The following TMEM192 variants were observed in gnomAD, a reference collection of about 807,000 sequenced individuals.
The protein encoded by TMEM192 is transmembrane protein 192.
TMEM192 carries 20 observed loss-of-function variants against 26.7 expected under a neutral mutation model. That is an observed-to-expected ratio of 0.75 (90% CI 0.53 to 1.09). The LOEUF (loss-of-function observed/expected upper bound fraction) is 1.09. Ranked by LOEUF, TMEM192 falls within the 50% of genes least tolerant of loss-of-function variation. TMEM192 has a pLI of 0.00. For synonymous variants in TMEM192, 124 were observed against 121.0 expected (o/e 1.02, Z -0.16); for missense variants, 304 against 322.6 (o/e 0.94, Z 0.44).
At chr4:165,102,853 A>G (rs58612683) in intron 2 of TMEM192, 97 bp downstream of exon 2, 18,526 of 1,122,360 alleles carry the variant, frequency 0.017, 190 homozygotes, top group South Asian at 0.031. Context: ...CCTACATTTT[A>G]AATGTTGATA....
At position 165,071,605 on chromosome 4, in the gene TMEM192, T is replaced by A. The variant is rs1473372420; in HGVS notation, c.*8053A>T. 6.6e-6 allele frequency: 1 copy of A among 152,250 alleles called. No homozygotes were observed. Among genetic ancestry groups the A allele is most frequent in the Non-Finnish European group, 1.5e-5 (1 of 68,150 alleles). The allele number at this position is 152,250 out of a possible 1,614,324, so 9.4% of individuals were successfully genotyped here. A position where few individuals can be genotyped will look rare whatever the true frequency, so the allele number is the denominator to read the frequency against. On this transcript the variant is annotated 3_prime_UTR_variant, in exon 6 of 6. Coordinates refer to ENST00000306480, the MANE Select transcript of TMEM192 (RefSeq NM_001100389.2). ...ACCACACCTGGCCACAAGTGACATT[T>A]GAACAAAGACTTGAAAAAGATATAT...
chr4:165,080,845 G>C (rs919428838), intron 5 of TMEM192, among the ~76,000 whole-genome samples: 1 of 151,924 alleles, frequency 6.6e-6, no homozygotes, highest in Non-Finnish European at 1.5e-5. Flanking sequence ...CTCCCAAGTA[G>C]CTGAGATTAC....
In TMEM192 at chr4:165,112,789, G is replaced by A; in HGVS notation, c.-16C>T. 1 of 1,605,548 alleles carries A rather than the reference G, an allele frequency of 6.2e-7. No individual in the cohort carries two copies. The highest frequency in any genetic ancestry group is 8.5e-7 in the Non-Finnish European group (1 of 1,178,666). On this transcript the variant is annotated 5_prime_UTR_variant, in exon 1 of 6. Transcript: ENST00000306480. ...CCGCCGCCATTTCCCGACGCCGGAG[G>A]CCGAAGCCCTGGCCAGCCCGGCCTC...
At position 165,075,831 on chromosome 4, in the gene TMEM192, G is replaced by A. The variant is rs1157461336; in HGVS notation, c.*3827C>T. ...GATCCACCCACCTTGGCCTCCCAAAGTGCTGGTATTACAGGCGTAAGCTAC... is the reference window on the plus strand; with the variant it reads ...GATCCACCCACCTTGGCCTCCCAAAATGCTGGTATTACAGGCGTAAGCTAC... On this transcript the variant is annotated 3_prime_UTR_variant, in exon 6 of 6. Coordinates refer to ENST00000306480, the MANE Select transcript of TMEM192 (RefSeq NM_001100389.2). 6.6e-6 allele frequency: 1 copy of A among 152,196 alleles called. No individual in the cohort carries two copies. Among genetic ancestry groups the A allele is most frequent in the African/African-American group, 2.4e-5 (1 of 41,416 alleles). 9.4% of individuals were successfully genotyped at this position (152,196 alleles called of 1,614,324 possible).
chr4:165,072,636 G>A lies in TMEM192; in HGVS notation c.*7022C>T, dbSNP rs563317768. ...GAAGATTATAGTGGCTGGGGAAGTA[G>A]CATTGGGGGTGCCAAGAATTGGTTG... On this transcript the variant is annotated 3_prime_UTR_variant, in exon 6 of 6. Transcript: ENST00000306480. The A allele has an allele frequency of 1.3e-5, 2 of 152,230 alleles. No individual in the cohort carries two copies. Among genetic ancestry groups the A allele is most frequent in the East Asian group, 3.9e-4 (2 of 5,172 alleles). The allele number at this position is 152,230 out of a possible 1,614,324, so 9.4% of individuals were successfully genotyped here. A position where few individuals can be genotyped will look rare whatever the true frequency, so the allele number is the denominator to read the frequency against.
Position 165,077,800 on chromosome 4 carries a change from A to C in TMEM192, c.*1858T>G, listed in dbSNP as rs1734422170. 1 of 151,796 alleles carries C rather than the reference A, an allele frequency of 6.6e-6. No individual in the cohort carries two copies. The allele number at this position is 151,796 out of a possible 1,614,324, so 9.4% of individuals were successfully genotyped here. A position where few individuals can be genotyped will look rare whatever the true frequency, so the allele number is the denominator to read the frequency against. On this transcript the variant is annotated 3_prime_UTR_variant, in exon 6 of 6. Coordinates refer to ENST00000306480, the MANE Select transcript of TMEM192 (RefSeq NM_001100389.2). ...GCACTCCAGCCTGGGCGACAGGGTG[A>C]GACTCTGTCTCAAAAACAACAACAA...
At chr4:165,108,137 TTTGGA>T (rs1735211795) in intron 1 of TMEM192, among the ~76,000 whole-genome samples, 2 of 76,840 alleles carry the variant, frequency 2.6e-5, no homozygotes, top group South Asian at 5.0e-4. Flanking sequence ...TTTTTTTTTT[TTTGGA>T]GATGTAGTCT....
chr4:165,089,539 A>G (rs922135776), intron 3 of TMEM192, among the ~76,000 whole-genome samples: 3 of 152,092 alleles, frequency 2.0e-5, no homozygotes, highest in South Asian at 4.1e-4. Context: ...TAGCCAGGAT[A>G]GTCTTGATCT....
At chr4:165,102,077 G>T (rs1313826481) in intron 2 of TMEM192, among the ~76,000 whole-genome samples, 1 of 152,146 alleles carries the variant, frequency 6.6e-6, no homozygotes, top group East Asian at 1.9e-4. Flanking sequence ...AAACAGACTG[G>T]CAGTGGAGTC....
chr4:165,108,426 CT>C (rs1735219504), intron 1 of TMEM192, among the ~76,000 whole-genome samples: 2 of 152,084 alleles, frequency 1.3e-5, no homozygotes, highest in Non-Finnish European at 2.9e-5. Flanking sequence ...CGGCCATTTT[CT>C]GTAATCCTAT....
At chr4:165,094,541 C>T (rs1049618475) in intron 3 of TMEM192, among the ~76,000 whole-genome samples, 3 of 151,826 alleles carry the variant, frequency 2.0e-5, no homozygotes, top group Admixed American at 1.3e-4. Context: ...CCTGTAATCC[C>T]AGCTACTCGG....
At chr4:165,100,326 A>G (rs1012011381) in intron 3 of TMEM192, among the ~76,000 whole-genome samples, 10 of 151,758 alleles carry the variant, frequency 6.6e-5, no homozygotes, top group Non-Finnish European at 1.5e-4. Context: ...CGCCCAGCTA[A>G]TTTTTGTATT....
chr4:165,092,754 T>C (rs1351260239), intron 3 of TMEM192, among the ~76,000 whole-genome samples: 2 of 152,000 alleles, frequency 1.3e-5, no homozygotes, highest in Non-Finnish European at 2.9e-5. Context: ...GAGCCAAAGA[T>C]CCTTGCTGAA....
At chr4:165,095,578 C>T (rs1333681196) in intron 3 of TMEM192, among the ~76,000 whole-genome samples, 1 of 152,140 alleles carries the variant, frequency 6.6e-6, no homozygotes, top group Non-Finnish European at 1.5e-5. Context: ...CAGAATTTAC[C>T]TTCAAGAGCA....
In TMEM192 at chr4:165,078,169, C is replaced by T. The variant is rs1734432369; in HGVS notation, c.*1489G>A. 1 of 152,058 alleles carries T rather than the reference C, an allele frequency of 6.6e-6. No homozygotes were observed. Among genetic ancestry groups the T allele is most frequent in the African/African-American group, 2.4e-5 (1 of 41,398 alleles). 9.4% of individuals were successfully genotyped at this position (152,058 alleles called of 1,614,324 possible). A position where few individuals can be genotyped will look rare whatever the true frequency, so the allele number is the denominator to read the frequency against. ...CCTCCATAAGTCAAATAGATGTGGC[C>T]AAATCAATATATCCCTTGCCTATAT... On this transcript the variant is annotated 3_prime_UTR_variant, in exon 6 of 6. Coordinates refer to ENST00000306480, the MANE Select transcript of TMEM192 (RefSeq NM_001100389.2).
chr4:165,076,422 T>C lies in TMEM192; in HGVS notation c.*3236A>G, dbSNP rs1734383818. ...GATAAAGTGCAGTCTTCCAGCATAG[T>C]ATCAAGGCCCTCCAAGCTCTGACCC... is the stretch of plus-strand genomic sequence containing the variant. On this transcript the variant is annotated 3_prime_UTR_variant, in exon 6 of 6. Coordinates refer to ENST00000306480, the MANE Select transcript of TMEM192 (RefSeq NM_001100389.2). 2 of 152,242 alleles carry C rather than the reference T, an allele frequency of 1.3e-5. No individual in the cohort carries two copies. Among genetic ancestry groups the C allele is most frequent in the African/African-American group, 2.4e-5 (1 of 41,454 alleles). 9.4% of individuals were successfully genotyped at this position (152,242 alleles called of 1,614,324 possible).
intron 3 of TMEM192, among the ~76,000 whole-genome samples, chr4:165,095,315 C>T (rs1489513389): frequency 1.3e-5 from 2 of 152,166 alleles, no homozygotes; most frequent in African/African-American, 4.8e-5. Context: ...ACATGCTATG[C>T]AGCCCCTCCT....
chr4:165,084,572 C>T (rs1734565068), intron 5 of TMEM192, among the ~76,000 whole-genome samples: 1 of 151,840 alleles, frequency 6.6e-6, no homozygotes, highest in Non-Finnish European at 1.5e-5. Context: ...TAAGGAATAA[C>T]TCGTGTCCCA....
chr4:165,110,441 C>T (rs1437441411), intron 1 of TMEM192, among the ~76,000 whole-genome samples: 3 of 152,148 alleles, frequency 2.0e-5, no homozygotes, highest in African/African-American at 4.8e-5. Context: ...ATCATGAGGC[C>T]GGGCACGGTG....
Sources: gnomAD v4.1 joint callset for allele counts (sites outside exome capture counted in the v4.1 genomes callset) on GRCh38, gnomAD v4.1.1 for gene constraint, MANE v1.5 for transcripts, NCBI Gene and HGNC (gene_info 2026-07-23, HGNC 2026-07-21) for gene names.